AGBL1: variants seen among roughly 807,000 people sequenced by gnomAD.
AGBL1 encodes the protein cytosolic carboxypeptidase 4.
A neutral mutation model predicts 118.9 loss-of-function variants in AGBL1; 130 were observed. The observed-to-expected ratio is 1.09, with a 90% CI of 0.95 to 1.26. AGBL1 has a LOEUF of 1.26. Ranked by LOEUF, AGBL1 falls within the 50% of genes most tolerant of loss-of-function variation. The pLI is 0.00. For synonymous variants in AGBL1, 555 were observed against 478.9 expected (o/e 1.16, Z -2.08); for missense variants, 1,584 against 1,298.1 (o/e 1.22, Z -3.38).
chr15:86,311,984 A>C (rs2079928222), intron 17 of AGBL1: 1 of 152,246 alleles, frequency 6.6e-6, no homozygotes, highest in African/African-American at 2.4e-5. Flanking sequence ...ATCAGGATAG[A>C]GTGATGTAGT....
At chr15:86,590,678 AC>A (rs2142350550) in intron 21 of AGBL1, among the ~76,000 whole-genome samples, 1 of 152,242 alleles carries the variant, frequency 6.6e-6, no homozygotes, top group South Asian at 2.1e-4. Context: ...TTTCCTTGAG[AC>A]CTTTAAAGGT....
At chr15:86,394,211 GT>G (rs1370110520) in intron 17 of AGBL1, among the ~76,000 whole-genome samples, 1 of 152,074 alleles carries the variant, frequency 6.6e-6, no homozygotes, top group Non-Finnish European at 1.5e-5. Flanking sequence ...TCCTAAAGTT[GT>G]TCTCTAATTC....
intron 22 of AGBL1, among the ~76,000 whole-genome samples, chr15:86,904,303 T>C (rs1375327217): frequency 1.3e-5 from 2 of 152,076 alleles, no homozygotes; most frequent in African/African-American, 4.8e-5. Flanking sequence ...TCTGCCTTTT[T>C]CTCTCCCTAC....
intron 9 of AGBL1, among the ~76,000 whole-genome samples, chr15:86,259,823 T>A (rs1286250303): frequency 6.6e-6 from 1 of 152,212 alleles, no homozygotes; most frequent in East Asian, 1.9e-4. Context: ...TAACTGAATG[T>A]CTGATGCAGA....
chr15:86,922,293 ATGT>A (rs1196132449), intron 23 of AGBL1, among the ~76,000 whole-genome samples: 6 of 152,166 alleles, frequency 3.9e-5, no homozygotes, highest in African/African-American at 1.2e-4. Context: ...ATCCAGAAAC[ATGT>A]TGTTATTTTT....
intron 22 of AGBL1, among the ~76,000 whole-genome samples, chr15:86,821,817 A>C (rs1256074387): frequency 6.6e-6 from 1 of 152,174 alleles, no homozygotes; most frequent in Non-Finnish European, 1.5e-5. Context: ...GTGCTGCTTC[A>C]GATTTGCTCA....
At chr15:86,405,237 C>T (rs907981135) in intron 18 of AGBL1, among the ~76,000 whole-genome samples, 13 of 151,568 alleles carry the variant, frequency 8.6e-5, no homozygotes, top group African/African-American at 2.2e-4. Context: ...CCTGGCCGGG[C>T]GCGGTGGCTC....
chr15:86,730,978 C>A (rs1432372521), intron 22 of AGBL1, among the ~76,000 whole-genome samples: 1 of 151,966 alleles, frequency 6.6e-6, no homozygotes, highest in African/African-American at 2.4e-5. Context: ...CAGGCATATG[C>A]CACCATGCCA....
At chr15:86,850,038 T>C (rs1165034309) in intron 22 of AGBL1, among the ~76,000 whole-genome samples, 1 of 152,240 alleles carries the variant, frequency 6.6e-6, no homozygotes, top group Admixed American at 6.5e-5. Flanking sequence ...GTAGTTTCCA[T>C]TGCATAAAGG....
At chr15:86,512,748 T>C (rs1852829978) in intron 18 of AGBL1, among the ~76,000 whole-genome samples, 1 of 151,848 alleles carries the variant, frequency 6.6e-6, no homozygotes, top group Admixed American at 6.6e-5. Context: ...TTCTACAGAA[T>C]TAAAACAAAG....
At chr15:86,895,305 CT>C (rs1248879335) in intron 22 of AGBL1, among the ~76,000 whole-genome samples, 1 of 151,674 alleles carries the variant, frequency 6.6e-6, no homozygotes, top group Non-Finnish European at 1.5e-5. Flanking sequence ...AAAAAATAAC[CT>C]GTACCTTATG....
chr15:86,810,588 A>C (rs2078774475), intron 22 of AGBL1, among the ~76,000 whole-genome samples: 1 of 152,120 alleles, frequency 6.6e-6, no homozygotes, highest in Non-Finnish European at 1.5e-5. Flanking sequence ...AAATGACCTA[A>C]AGTTGTCTCA....
intron 22 of AGBL1, among the ~76,000 whole-genome samples, chr15:86,737,413 A>G (rs1437251811): frequency 6.6e-6 from 1 of 152,220 alleles, no homozygotes; most frequent in Non-Finnish European, 1.5e-5. Flanking sequence ...TCTGGTTATC[A>G]CAACATCTCT....
chr15:86,524,877 C>T (rs1328101219), intron 19 of AGBL1, among the ~76,000 whole-genome samples: 1 of 152,062 alleles, frequency 6.6e-6, no homozygotes, highest in Non-Finnish European at 1.5e-5. Flanking sequence ...TCTTAAGAAT[C>T]CTCATTCTGA....
intron 22 of AGBL1, among the ~76,000 whole-genome samples, chr15:86,728,568 G>C (rs986226622): frequency 3.7e-4 from 57 of 152,016 alleles, no homozygotes; most frequent in Non-Finnish European, 2.9e-5. Flanking sequence ...CTGAAGCCTG[G>C]GGCTAAATAA....
chr15:86,350,301 G>A (rs2080605063), intron 17 of AGBL1, among the ~76,000 whole-genome samples: 1 of 152,228 alleles, frequency 6.6e-6, no homozygotes, highest in Non-Finnish European at 1.5e-5. Flanking sequence ...GCTGCAGTCA[G>A]TATTGACAGA....
At chr15:86,210,359 C>T (rs1183703841) in intron 5 of AGBL1, among the ~76,000 whole-genome samples, 5 of 152,128 alleles carry the variant, frequency 3.3e-5, no homozygotes, top group African/African-American at 9.7e-5. Flanking sequence ...TGAATGTTGG[C>T]CTCCCTTGCT....
At chr15:86,247,478 G>A (rs559299899) in intron 6 of AGBL1, among the ~76,000 whole-genome samples, 193 bp from the exon 7 acceptor site, 2 of 152,354 alleles carry the variant, frequency 1.3e-5, no homozygotes, top group African/African-American at 4.8e-5. Flanking sequence ...GGTGGCACGT[G>A]ATGACTGTCC....
chr15:86,889,861 T>G (rs2080025865), intron 22 of AGBL1, among the ~76,000 whole-genome samples: 1 of 152,222 alleles, frequency 6.6e-6, no homozygotes, highest in African/African-American at 2.4e-5. Flanking sequence ...AACATACATA[T>G]GCATGTATCT....
Sources: allele counts gnomAD v4.1 joint callset (sites outside exome capture counted in the v4.1 genomes callset), GRCh38; gene constraint gnomAD v4.1.1; transcripts MANE v1.5; gene names NCBI Gene and HGNC (gene_info 2026-07-23, HGNC 2026-07-21).